The following SLC25A48 variants were observed in gnomAD, a reference collection of about 807,000 sequenced individuals.
SLC25A48 encodes the protein solute carrier family 25 member 48.
In SLC25A48, 29 loss-of-function variants were observed where a neutral mutation model predicts 32.2. That is an observed-to-expected ratio of 0.90 (90% CI 0.67 to 1.23). SLC25A48 has a LOEUF of 1.23. SLC25A48 is among the 50% of genes most tolerant of loss of function. The pLI is 0.00. For missense variants in SLC25A48, 399 were observed against 422.7 expected, an observed-to-expected ratio of 0.94 and a Z score of 0.49; for synonymous variants, 164 against 172.3, an observed-to-expected ratio of 0.95 and a Z score of 0.38.
At position 135,840,710 on chromosome 5, in the gene SLC25A48, TG is replaced by T. The variant is rs377672248; in HGVS notation, c.47-1704del. Among the ~76,000 whole-genome samples, 31 of 152,356 alleles carry T rather than the reference TG, an allele frequency of 2.0e-4. No homozygotes were observed. In the East Asian group the frequency reaches 5.6e-3, roughly 27 times the overall value. On this transcript the variant is annotated intron_variant, in intron 1 of 7. Coordinates refer to ENST00000681962, the MANE Select transcript of SLC25A48 (RefSeq NM_001349336.2). ...GCCTTTTTAATTTAGCATAATGTTT[TG>T]GAGGTGCATCTATGCTGTAGCATGC...
chr5:135,815,621 C>T (rs1757697648), intron 4 of SLC25A48, among the ~76,000 whole-genome samples: 1 of 152,190 alleles, frequency 6.6e-6, no homozygotes, highest in Admixed American at 6.5e-5. Context: ...ATGAAGAAAG[C>T]AAGTTGCAGT....
chr5:135,696,600 A>G (rs921470576), intron 3 of SLC25A48, among the ~76,000 whole-genome samples: 1 of 152,198 alleles, frequency 6.6e-6, no homozygotes, highest in Non-Finnish European at 1.5e-5. Flanking sequence ...GCCAAAGCAA[A>G]TCCACACAAT....
In SLC25A48 at chr5:135,736,572, G is replaced by A. The variant is rs10479105; in HGVS notation, c.-520-75951G>A. On this transcript the variant is annotated intron_variant, in intron 3 of 10. Transcript: ENST00000646290. ...GGGAGTGCTTGCCCCTAAGAAAAGC[G>A]GAAAAGGGGTAGAGACACAGAGAGA... Among the ~76,000 whole-genome samples, 859 of 152,118 alleles carry A rather than the reference G, an allele frequency of 5.6e-3. 4 individuals carry two copies. Among genetic ancestry groups the A allele is most frequent in the African/African-American group, 0.017 (701 of 41,512 alleles).
chr5:135,760,213 T>G (rs1756029293), intron 3 of SLC25A48, among the ~76,000 whole-genome samples: 1 of 152,224 alleles, frequency 6.6e-6, no homozygotes, highest in Admixed American at 6.5e-5. Context: ...TTTTACATAG[T>G]GCATATATTC....
intron 4 of SLC25A48, 61 bp downstream of exon 4, chr5:135,852,882 G>A: frequency 6.5e-7 from 1 of 1,548,672 alleles, no homozygotes; most frequent in Non-Finnish European, 8.8e-7. Flanking sequence ...CTGGTTTGTG[G>A]GATCTGGGAC....
rs144485129 is a variant in SLC25A48, at chr5:135,691,051, T to A, written c.-521+56095T>A. Among the ~76,000 whole-genome samples the A allele has an allele frequency of 2.6e-5, 4 of 152,176 alleles. No individual in the cohort carries two copies. The East Asian group carries it at 7.7e-4, about 29-fold the overall frequency. On this transcript the variant is annotated intron_variant, in intron 3 of 10. Transcript: ENST00000646290. ...TTAAGAAAAGATGCCACGAGTGAAATCAATGAATTAAGGATTTGGCATAAG... is the reference window on the plus strand; with the variant it reads ...TTAAGAAAAGATGCCACGAGTGAAAACAATGAATTAAGGATTTGGCATAAG...
At chr5:135,710,211 G>T (rs1240030163) in intron 3 of SLC25A48, among the ~76,000 whole-genome samples, 1 of 152,236 alleles carries the variant, frequency 6.6e-6, no homozygotes. Flanking sequence ...ACCTCCTGCT[G>T]CAAAGGGCAG....
chr5:135,590,585 T>G (rs1242363129), intron 1 of SLC25A48, among the ~76,000 whole-genome samples: 2 of 152,296 alleles, frequency 1.3e-5, no homozygotes, highest in East Asian at 3.9e-4. Context: ...TCGGGGCTTC[T>G]CAGAGGGCTG....
intron 3 of SLC25A48, among the ~76,000 whole-genome samples, chr5:135,790,855 C>A (rs1580883714): frequency 1.3e-5 from 2 of 151,706 alleles, no homozygotes; most frequent in African/African-American, 4.8e-5. Flanking sequence ...TATGTGTATA[C>A]ACTGTGTGAT....
intron 1 of SLC25A48, among the ~76,000 whole-genome samples, chr5:135,612,796 C>T (rs998117050): frequency 3.3e-5 from 5 of 152,134 alleles, no homozygotes; most frequent in Non-Finnish European, 5.9e-5. Flanking sequence ...GTTTAGTATA[C>T]CACGTTTTCT....
At chr5:135,653,476 C>T (rs1474229302) in intron 3 of SLC25A48, among the ~76,000 whole-genome samples, 1 of 152,220 alleles carries the variant, frequency 6.6e-6, no homozygotes, top group Admixed American at 6.5e-5. Flanking sequence ...TTTGGTCACT[C>T]TACCAGGTAA....
intron 3 of SLC25A48, among the ~76,000 whole-genome samples, chr5:135,796,334 C>G (rs1757175232): frequency 6.6e-6 from 1 of 151,356 alleles, no homozygotes; most frequent in African/African-American, 2.4e-5. Flanking sequence ...TGTGCACCCC[C>G]CTGTGATATG....
At chr5:135,839,609 G>T (rs1758824964) in intron 1 of SLC25A48, among the ~76,000 whole-genome samples, 1 of 152,192 alleles carries the variant, frequency 6.6e-6, no homozygotes, top group South Asian at 2.1e-4. Context: ...CGTTGGGAAG[G>T]CATGATTTGT....
At chr5:135,789,694 A>AG (rs1401689527) in intron 3 of SLC25A48, among the ~76,000 whole-genome samples, 2 of 150,646 alleles carry the variant, frequency 1.3e-5, no homozygotes, top group South Asian at 2.1e-4. Context: ...CCCATGTGGC[A>AG]GGGGGGTGTA....
chr5:135,647,704 T>C (rs1752998765), intron 3 of SLC25A48, among the ~76,000 whole-genome samples: 1 of 152,112 alleles, frequency 6.6e-6, no homozygotes, highest in African/African-American at 2.4e-5. Flanking sequence ...GGGGTCACTT[T>C]CTGTTTTCCT....
At chr5:135,683,084 C>T (rs1052233739) in intron 3 of SLC25A48, among the ~76,000 whole-genome samples, 5 of 152,174 alleles carry the variant, frequency 3.3e-5, no homozygotes, top group Non-Finnish European at 7.4e-5. Context: ...CCACTGTCTC[C>T]ACTGTTAACA....
At chr5:135,622,555 G>T (rs905709928) in intron 1 of SLC25A48, among the ~76,000 whole-genome samples, 8 of 152,040 alleles carry the variant, frequency 5.3e-5, no homozygotes, top group East Asian at 3.9e-4. Context: ...AATGTATTAA[G>T]TGAAAACACC....
intron 3 of SLC25A48, among the ~76,000 whole-genome samples, chr5:135,695,782 G>T (rs532586383): frequency 6.6e-6 from 1 of 152,194 alleles, no homozygotes; most frequent in East Asian, 1.9e-4. Context: ...CTCCTGCCCC[G>T]ACCTTCTCTC....
At chr5:135,760,728 T>C (rs1247246249) in intron 3 of SLC25A48, among the ~76,000 whole-genome samples, 1 of 152,164 alleles carries the variant, frequency 6.6e-6, no homozygotes, top group African/African-American at 2.4e-5. Flanking sequence ...TTGCCTGATT[T>C]TCCTAAGCAA....
Sources: allele counts gnomAD v4.1 joint callset (sites outside exome capture counted in the v4.1 genomes callset), GRCh38; gene constraint gnomAD v4.1.1; transcripts MANE v1.5; gene names NCBI Gene and HGNC (gene_info 2026-07-23, HGNC 2026-07-21).